The following CDC123 variants were observed in gnomAD, a reference collection of about 807,000 sequenced individuals.
The protein encoded by CDC123 is cell division cycle 123.
CDC123 carries 37 observed loss-of-function variants against 54.4 expected under a neutral mutation model. The observed-to-expected ratio is 0.68, with a 90% confidence interval of 0.52 to 0.89. The LOEUF is 0.89. Ranked by LOEUF, CDC123 falls within the 40% of genes least tolerant of loss-of-function variation. The pLI, the probability that CDC123 is intolerant of heterozygous loss-of-function variation, is 0.00. For synonymous variants in CDC123, 144 were observed against 136.8 expected (o/e 1.05, Z -0.37); for missense variants, 361 against 412.1 (o/e 0.88, Z 1.07).
At chr10:12,202,409 C>G (rs1191276096) in intron 2 of CDC123, among the ~76,000 whole-genome samples, 2 of 152,150 alleles carry the variant, frequency 1.3e-5, no homozygotes, top group Non-Finnish European at 2.9e-5. Context: ...CACAGAAGAC[C>G]TCTGTGACCA....
chr10:12,231,192 G>A (rs1251712361), intron 7 of CDC123, among the ~76,000 whole-genome samples, 196 bp downstream of exon 7: 1 of 152,108 alleles, frequency 6.6e-6, no homozygotes, highest in Non-Finnish European at 1.5e-5. Flanking sequence ...CCAAATACAT[G>A]TATGCAGTAT....
intron 2 of CDC123, among the ~76,000 whole-genome samples, chr10:12,202,819 G>A (rs1450572219): frequency 9.9e-5 from 15 of 152,180 alleles, no homozygotes; most frequent in Non-Finnish European, 2.1e-4. Flanking sequence ...ATTTGAGACC[G>A]GCTTGGCCAA....
At chr10:12,205,112 A>G (rs1475272077) in intron 2 of CDC123, among the ~76,000 whole-genome samples, 3 of 150,914 alleles carry the variant, frequency 2.0e-5, no homozygotes, top group Admixed American at 2.0e-4. Context: ...CCATCTTTCT[A>G]CTCTCTATAT....
chr10:12,227,989 G>T (rs915301390), intron 6 of CDC123, among the ~76,000 whole-genome samples: 1 of 152,142 alleles, frequency 6.6e-6, no homozygotes, highest in African/African-American at 2.4e-5. Context: ...GGGCTAGAGT[G>T]CAATGGTGTG....
chr10:12,231,361 G>A (rs926507839), intron 7 of CDC123, among the ~76,000 whole-genome samples: 1 of 152,082 alleles, frequency 6.6e-6, no homozygotes, highest in Non-Finnish European at 1.5e-5. Flanking sequence ...GGTGGCTCAC[G>A]CCTGTAATCC....
At chr10:12,231,489 G>T (rs1215225477) in intron 7 of CDC123, among the ~76,000 whole-genome samples, 1 of 152,044 alleles carries the variant, frequency 6.6e-6, no homozygotes, top group Non-Finnish European at 1.5e-5. Context: ...GCTGGGTGTG[G>T]TAGTGGTGGC....
intron 1 of CDC123, 136 bp from the exon 2 acceptor site, chr10:12,198,569 C>T (rs767353914): frequency 4.7e-6 from 3 of 643,142 alleles, no homozygotes; most frequent in Non-Finnish European, 8.3e-6. Flanking sequence ...TCTACTGCTA[C>T]CAAATGTACA....
chr10:12,249,141 AAAAT>A (rs1399761505), intron 11 of CDC123, among the ~76,000 whole-genome samples: 7 of 151,800 alleles, frequency 4.6e-5, no homozygotes, highest in Non-Finnish European at 4.4e-5. Context: ...AAAAAAAAAA[AAAAT>A]AGTTTGGCAT....
intron 6 of CDC123, among the ~76,000 whole-genome samples, chr10:12,222,537 C>G (rs1835751291): frequency 6.6e-6 from 1 of 152,146 alleles, no homozygotes; most frequent in African/African-American, 2.4e-5. Flanking sequence ...TATAAACATT[C>G]TATGTTATTA....
intron 2 of CDC123, among the ~76,000 whole-genome samples, chr10:12,205,903 A>G (rs988954997): frequency 6.6e-6 from 1 of 151,868 alleles, no homozygotes; most frequent in Non-Finnish European, 1.5e-5. Flanking sequence ...GGTTCAAGCG[A>G]TTCCCTTGCC....
At chr10:12,237,674 T>A (rs1024717338) in intron 9 of CDC123, 1 of 152,564 alleles carries the variant, frequency 6.6e-6, no homozygotes, top group Non-Finnish European at 1.5e-5. Flanking sequence ...GCCTAAGTGA[T>A]CCGCCCACTT....
chr10:12,222,764 A>AT (rs895668499), intron 6 of CDC123, among the ~76,000 whole-genome samples: 1 of 152,070 alleles, frequency 6.6e-6, no homozygotes, highest in African/African-American at 2.4e-5. Context: ...TTTTTTTAAA[A>AT]TTTTTTCAAG....
intron 7 of CDC123, among the ~76,000 whole-genome samples, chr10:12,232,713 C>T (rs927542546): frequency 4.6e-5 from 7 of 152,072 alleles, no homozygotes; most frequent in African/African-American, 9.7e-5. Flanking sequence ...CTTCACGCAA[C>T]GAACATCTGT....
intron 8 of CDC123, among the ~76,000 whole-genome samples, 184 bp from the exon 9 acceptor site, chr10:12,236,960 G>A (rs1835985534): frequency 6.6e-6 from 1 of 152,200 alleles, no homozygotes; most frequent in African/African-American, 2.4e-5. Context: ...ACATGGCAAT[G>A]TAGGACTTCA....
chr10:12,238,564 T>C (rs1208538354), intron 10 of CDC123, 79 bp downstream of exon 10: 9 of 1,528,404 alleles, frequency 5.9e-6, no homozygotes, highest in Admixed American at 4.1e-5. Context: ...TTGTTATGTG[T>C]GTGAAGGATC....
At chr10:12,221,282 A>AGGAACT (rs1206196122) in intron 6 of CDC123, among the ~76,000 whole-genome samples, 1 of 2,384 alleles carries the variant, frequency 4.2e-4, no homozygotes, top group Non-Finnish European at 1.7e-3. Flanking sequence ...CAAGGTCGCC[A>AGGAACT]GGGCTCTTTC....
chr10:12,212,253 G>C (rs763951869), intron 4 of CDC123, among the ~76,000 whole-genome samples: 1 of 152,094 alleles, frequency 6.6e-6, no homozygotes, highest in Non-Finnish European at 1.5e-5. Context: ...CTTGATCTTG[G>C]TTTCTAAATA....
intron 6 of CDC123, among the ~76,000 whole-genome samples, chr10:12,225,746 C>CTTTTTTTTTTTTTTTTT (rs60404885): frequency 1.9e-4 from 13 of 66,954 alleles, no homozygotes; most frequent in Admixed American, 6.8e-4. Flanking sequence ...TAGCTTCTCT[C>CTTTTTTTTTTTTTTTTT]TTTTTTTTTT....
rs1203116629 is a variant in CDC123 at position 12,246,248 on chromosome 10, G to T, written c.817G>T (p.Asp273Tyr). ...ELISENNLNGDFSEVDAQEQD... is the reference protein window; with the variant it reads ...ELISENNLNGYFSEVDAQEQD... ...GATATCTGAGAACAACTTAAACGGCGATTTTAGTGAAGTTGACGCTCAAGA... is the reference window on the plus strand; with the variant it reads ...GATATCTGAGAACAACTTAAACGGCTATTTTAGTGAAGTTGACGCTCAAGA... Residue 273 changes from aspartate (D) to tyrosine (Y), a missense_variant, in exon 11 of 13, where the codon GAT (aspartate) becomes TAT (tyrosine). Coordinates refer to ENST00000281141, the MANE Select transcript of CDC123 (RefSeq NM_006023.3). 3 of 1,614,128 alleles carry T rather than the reference G, an allele frequency of 1.9e-6. No homozygotes were observed. Among genetic ancestry groups the T allele is most frequent in the Non-Finnish European group, 2.5e-6 (3 of 1,180,014 alleles).
Sources: allele counts gnomAD v4.1 joint callset (sites outside exome capture counted in the v4.1 genomes callset), GRCh38; gene constraint gnomAD v4.1.1; transcripts MANE v1.5; gene names NCBI Gene and HGNC (gene_info 2026-07-23, HGNC 2026-07-21).